LRIT2: variants seen among roughly 807,000 people sequenced by gnomAD.
LRIT2 encodes leucine rich repeat, Ig-like and transmembrane domains 2.
Under a neutral mutation model 22.4 loss-of-function variants are expected in LRIT2, and 23 were observed. The ratio of observed to expected loss-of-function variants is 1.03; its 90% confidence interval spans 0.74 to 1.45. The LOEUF (loss-of-function observed/expected upper bound fraction) is 1.45. Among genes scored for constraint, LRIT2 ranks in the 40% most tolerant of loss-of-function variants. LRIT2 has a pLI of 0.00. For synonymous variants in LRIT2, 291 were observed against 267.1 expected, an observed-to-expected ratio of 1.09 and a Z score of -0.87; for missense variants, 784 against 665.6, an observed-to-expected ratio of 1.18 and a Z score of -1.96.
rs765863801 is a variant in LRIT2, at chr10:84,222,489, C to T, written c.1084G>A (p.Gly362Ser). The T allele has an allele frequency of 6.2e-6, 10 of 1,613,962 alleles. No homozygotes were observed. Among genetic ancestry groups the T allele is most frequent in the Non-Finnish European group, 7.6e-6 (9 of 1,180,004 alleles). The part of the protein sequence containing the change: ...APDSLSIPSE[G>S]NAYIDLRVVK... ...ACCCGCAGGTCAATGTAGGCATTGC[C>T]CTCCGAGGGGATGGAAAGAGAATCA... The change falls in exon 3 of 3, where the codon GGC (glycine) becomes AGC (serine). Residue 362 changes from glycine (G) to serine (S), a missense_variant. Gly to Ser is a moderately conservative substitution (Grantham distance 56, BLOSUM62 0). Transcript: ENST00000372113.
At position 84,225,457 on chromosome 10, in the gene LRIT2, G is replaced by A. The variant is rs201290389; in HGVS notation, c.64C>T (p.Pro22Ser). 1.9e-6 allele frequency: 3 copies of A among 1,614,198 alleles called. No individual in the cohort carries two copies. Among genetic ancestry groups the A allele is most frequent in the South Asian group, 1.1e-5 (1 of 91,076 alleles). The change falls in exon 1 of 3, where the codon CCT (proline) becomes TCT (serine). Residue 22 changes from proline to serine, a missense_variant. By Grantham distance (74) the Pro-to-Ser change is moderately conservative. Transcript: ENST00000372113. ...LVFLDTHAAQPFCLPGCTCSE... is the reference protein window; with the variant it reads ...LVFLDTHAAQSFCLPGCTCSE... ...CAAGTGCATCCTGGCAGACAGAAAG[G>A]CTGAGCTGCGTGTGTATCCAGAAAG... is the stretch of plus-strand genomic sequence containing the variant.
In LRIT2 at chr10:84,222,194, C is replaced by T. The variant is rs1192566792; in HGVS notation, c.1379G>A (p.Arg460His). The change falls in exon 3 of 3, where the codon CGT becomes CAT. Residue 460 changes from arginine (R) to histidine (H), a missense_variant. Transcript: ENST00000372113. ...CACTGTGACATGCAGGAGGTGCTCACGTGCCTCTAGCCCACCAGCATCTCT... is the reference window on the plus strand; with the variant it reads ...CACTGTGACATGCAGGAGGTGCTCATGTGCCTCTAGCCCACCAGCATCTCT... ...TGRDAGGLEA[R>H]EHLLHVTVVL... is the part of the protein sequence containing the mutation. 1.9e-6 allele frequency: 3 copies of T among 1,614,194 alleles called. No individual in the cohort carries two copies. The highest frequency in any genetic ancestry group is 2.7e-5 in the African/African-American group (2 of 75,064).
chr10:84,222,134 C>T lies in LRIT2; in HGVS notation c.1439G>A (p.Gly480Asp), dbSNP rs781380404. The change falls in exon 3 of 3, where the codon GGC becomes GAC. Residue 480 changes from glycine to aspartate, a missense_variant. By Grantham distance (94) the Gly-to-Asp change is moderately conservative (BLOSUM62 -1). Transcript: ENST00000372113. ...LCVVLLAVPV[G>D]AYAWAAQGPC... ...GCCCTGGGCTGCCCAGGCATAGGCGCCCACAGGCACTGCAAGCAGCACCAC... is the reference window on the plus strand; with the variant it reads ...GCCCTGGGCTGCCCAGGCATAGGCGTCCACAGGCACTGCAAGCAGCACCAC... 6.8e-5 allele frequency: 109 copies of T among 1,609,434 alleles called. 1 individual carries two copies. Among genetic ancestry groups the T allele is most frequent in the Non-Finnish European group, 8.2e-5 (96 of 1,176,598 alleles).
At chr10:84,224,194 G>A in intron 2 of LRIT2, 139 bp downstream of exon 2, 1 of 747,928 alleles carries the variant, frequency 1.3e-6, no homozygotes, top group South Asian at 2.1e-5. Context: ...GTTCTAGTGA[G>A]CATAATTCAG....
chr10:84,223,922 A>G (rs1228094027), intron 2 of LRIT2, among the ~76,000 whole-genome samples: 1 of 152,276 alleles, frequency 6.6e-6, no homozygotes, highest in Non-Finnish European at 1.5e-5. Context: ...AGGCAAGTTA[A>G]GGAAATAACT....
rs1353454209 is a variant in LRIT2, at chr10:84,221,676, G to C, written c.*244C>G. 13 of 383,318 alleles carry C rather than the reference G, an allele frequency of 3.4e-5. No individual in the cohort carries two copies. The South Asian group carries it at 1.3e-3, about 40-fold the overall frequency. 23.7% of individuals were successfully genotyped at this position (383,318 alleles called of 1,614,324 possible). A position where few individuals can be genotyped will look rare whatever the true frequency, so the allele number is the denominator to read the frequency against. ...TTCTAATCACCATGTATAATAAAATGATTAATTTGATGGACAAATCTTCAT... is the reference window on the plus strand; with the variant it reads ...TTCTAATCACCATGTATAATAAAATCATTAATTTGATGGACAAATCTTCAT... On this transcript the variant is annotated 3_prime_UTR_variant, in exon 3 of 3. Coordinates refer to ENST00000372113, the MANE Select transcript of LRIT2 (RefSeq NM_001017924.5).
In LRIT2 at chr10:84,224,417, C is replaced by T; in HGVS notation, c.808G>A (p.Val270Met). ...ANITIRAGQN[V>M]TLRCLAQASP... ...GCCTGTGCCAAGCATCGCAGGGTCA[C>T]ATTCTGTCCTGCCCGGATGGTGATA... Residue 270 changes from valine to methionine, a missense_variant, in exon 2 of 3, where the codon GTG becomes ATG. Coordinates refer to ENST00000372113, the MANE Select transcript of LRIT2 (RefSeq NM_001017924.5). 2 of 1,614,260 alleles carry T rather than the reference C, an allele frequency of 1.2e-6. No individual in the cohort carries two copies.
Position 84,222,568 on chromosome 10 carries a change from C to T in LRIT2, c.1005G>A (p.Lys335=), listed in dbSNP as rs767476256. Residue 335 remains lysine, a synonymous_variant, in exon 3 of 3, where the codon AAG becomes AAA. Coordinates refer to ENST00000372113, the MANE Select transcript of LRIT2 (RefSeq NM_001017924.5). ...YTCMASNSIG[K]SNLVISLHVQ... is the part of the protein sequence containing the mutation. ...CATGGAGAGAGATTACAAGGTTGCT[C>T]TTGCCAATGGAGTTGGAGGCCATGC... The T allele has an allele frequency of 1.2e-6, 2 of 1,614,064 alleles. No homozygotes were observed. Among genetic ancestry groups the T allele is most frequent in the South Asian group, 1.1e-5 (1 of 91,082 alleles).
chr10:84,225,467 G>T lies in LRIT2; in HGVS notation c.54C>A (p.His18Gln), dbSNP rs375202213. The change falls in exon 1 of 3, where the codon CAC becomes CAA. Residue 18 changes from histidine (H) to glutamine (Q), a missense_variant. Physicochemically the swap from His to Gln is conservative, Grantham distance 24. Transcript: ENST00000372113. ...CTGGCAGACAGAAAGGCTGAGCTGC[G>T]TGTGTATCCAGAAAGACCAGAACTA... ...FLLVLVFLDT[H>Q]AAQPFCLPGC... The T allele has an allele frequency of 6.2e-7, 1 of 1,614,194 alleles. No individual in the cohort carries two copies. Among genetic ancestry groups the T allele is most frequent in the East Asian group, 2.2e-5 (1 of 44,886 alleles).
At position 84,224,504 on chromosome 10, in the gene LRIT2, G is replaced by C. The variant is rs149117326; in HGVS notation, c.721C>G (p.Leu241Val). The part of the protein sequence containing the change: ...CQGPLSKAGQ[L>V]FHETELSACM... ...GCACTAAGCTCAGTTTCATGAAAAA[G>C]CTGCCCTGCCTTGGACAGAGGGCCC... The change falls in exon 2 of 3, where the codon CTT becomes GTT. Residue 241 changes from leucine to valine, a missense_variant. Physicochemically the swap from Leu to Val is conservative, Grantham distance 32 (BLOSUM62 1). Transcript: ENST00000372113. 1.0e-4 allele frequency: 163 copies of C among 1,614,084 alleles called. No individual in the cohort carries two copies. The highest frequency in any genetic ancestry group is 1.3e-4 in the Non-Finnish European group (156 of 1,180,056).
rs994351079 is a variant in LRIT2 at position 84,225,294 on chromosome 10, T to C, written c.110+117A>G. On this transcript the variant is annotated intron_variant, in intron 1 of 2. Coordinates refer to ENST00000372113, the MANE Select transcript of LRIT2 (RefSeq NM_001017924.5). ...CAGCAAAGTTCAGTCCCAACTAGAATGAGTCTCATAGAGTTTTGCTGATTT... is the reference window on the plus strand; with the variant it reads ...CAGCAAAGTTCAGTCCCAACTAGAACGAGTCTCATAGAGTTTTGCTGATTT... The C allele has an allele frequency of 3.1e-6, 4 of 1,300,042 alleles. No homozygotes were observed. In the African/African-American group the frequency reaches 4.5e-5, roughly 15 times the overall value. 80.5% of individuals were successfully genotyped at this position (1,300,042 alleles called of 1,614,324 possible). A position where few individuals can be genotyped will look rare whatever the true frequency, so the allele number is the denominator to read the frequency against.
Position 84,222,127 on chromosome 10 carries a change from A to G in LRIT2, c.1446T>C (p.Tyr482=), listed in dbSNP as rs1357686803. The change falls in exon 3 of 3, where the codon TAT becomes TAC. Residue 482 remains tyrosine, a synonymous_variant. Transcript: ENST00000372113. ...TGCAGGGGCCCTGGGCTGCCCAGGC[A>G]TAGGCGCCCACAGGCACTGCAAGCA... ...VVLLAVPVGA[Y]AWAAQGPCSC... The G allele has an allele frequency of 3.1e-6, 5 of 1,609,376 alleles. No individual in the cohort carries two copies. The highest frequency in any genetic ancestry group is 3.4e-6 in the Non-Finnish European group (4 of 1,176,606).
Position 84,224,552 on chromosome 10 carries a change from C to G in LRIT2, c.673G>C (p.Val225Leu). The change falls in exon 2 of 3, where the codon GTG becomes CTG. Residue 225 changes from valine (V) to leucine (L), a missense_variant. Val to Leu is a conservative substitution (Grantham distance 32). Transcript: ENST00000372113. ...VKSITLPVIL[V>L]NSYLICQGPL... Reference sequence around the variant, plus strand: ...CCCTGACATATCAGGTAGGAATTCACCAGGATGACTGGGAGGGTAATGGAC... The same window carrying G: ...CCCTGACATATCAGGTAGGAATTCAGCAGGATGACTGGGAGGGTAATGGAC... 1.2e-6 allele frequency: 2 copies of G among 1,613,978 alleles called. No individual in the cohort carries two copies. Among genetic ancestry groups the G allele is most frequent in the Non-Finnish European group, 8.5e-7 (1 of 1,179,886 alleles).
chr10:84,224,211 C>T, intron 2 of LRIT2, 122 bp downstream of exon 2: 4 of 934,294 alleles, frequency 4.3e-6, no homozygotes, highest in Non-Finnish European at 6.3e-6. Context: ...TCAGGGCTAT[C>T]CCAATCTTAC....
Position 84,220,742 on chromosome 10 carries a change from G to A in LRIT2, c.*1178C>T, listed in dbSNP as rs549026455. The A allele has an allele frequency of 5.9e-5, 9 of 152,240 alleles. No individual in the cohort carries two copies. In the East Asian group the frequency reaches 1.7e-3, roughly 29 times the overall value. 9.4% of individuals were successfully genotyped at this position (152,240 alleles called of 1,614,324 possible). ...TGTGCATACTGTCCTTTTCCCCAGA[G>A]GTGTGAAGTCAAGGAAAGCTCTGTG... On this transcript the variant is annotated 3_prime_UTR_variant, in exon 3 of 3. Coordinates refer to ENST00000372113, the MANE Select transcript of LRIT2 (RefSeq NM_001017924.5).
chr10:84,224,841 G>C lies in LRIT2; in HGVS notation c.384C>G (p.Leu128=). Residue 128 remains leucine (L), a synonymous_variant, in exon 2 of 3, where the codon CTC becomes CTG. Coordinates refer to ENST00000372113, the MANE Select transcript of LRIT2 (RefSeq NM_001017924.5). Reference sequence around the variant, plus strand: ...TGCGTTTGAGATCCAAGACCCTCAGGAGAGGGGTGGCACGGAACGCTGTCC... The same window carrying C: ...TGCGTTTGAGATCCAAGACCCTCAGCAGAGGGGTGGCACGGAACGCTGTCC... ...VPWTAFRATP[L]LRVLDLKRNK... 1 of 1,614,144 alleles carries C rather than the reference G, an allele frequency of 6.2e-7. No homozygotes were observed.
rs1329321862 is a variant in LRIT2 at position 84,224,537 on chromosome 10, T to A, written c.688A>T (p.Ile230Leu). 1 of 1,614,094 alleles carries A rather than the reference T, an allele frequency of 6.2e-7. No homozygotes were observed. The highest frequency in any genetic ancestry group is 1.1e-5 in the South Asian group (1 of 91,076). Residue 230 changes from isoleucine (I) to leucine (L), a missense_variant, in exon 2 of 3, where the codon ATA becomes TTA. Coordinates refer to ENST00000372113, the MANE Select transcript of LRIT2 (RefSeq NM_001017924.5). ...LPVILVNSYLICQGPLSKAGQ... is the reference protein window; with the variant it reads ...LPVILVNSYLLCQGPLSKAGQ... ...GCCTTGGACAGAGGGCCCTGACATA[T>A]CAGGTAGGAATTCACCAGGATGACT...
rs988083183 is a variant in LRIT2 at position 84,224,215 on chromosome 10, A to T, written c.892+118T>A. 3 of 1,006,214 alleles carry T rather than the reference A, an allele frequency of 3.0e-6. No homozygotes were observed. In the African/African-American group the frequency reaches 4.9e-5, roughly 16 times the overall value. The allele number at this position is 1,006,214 out of a possible 1,614,324, so 62.3% of individuals were successfully genotyped here. A position where few individuals can be genotyped will look rare whatever the true frequency, so the allele number is the denominator to read the frequency against. On this transcript the variant is annotated intron_variant, in intron 2 of 2. Coordinates refer to ENST00000372113, the MANE Select transcript of LRIT2 (RefSeq NM_001017924.5). Reference sequence around the variant, plus strand: ...GTGAGCATAATTCAGGGCTATCCCAATCTTACTTGCACCCACCCTTCGTGA... The same window carrying T: ...GTGAGCATAATTCAGGGCTATCCCATTCTTACTTGCACCCACCCTTCGTGA...
rs2132854911 is a variant in LRIT2 at position 84,224,616 on chromosome 10, T to C, written c.609A>G (p.Val203=). 6.2e-7 allele frequency: 1 copy of C among 1,613,872 alleles called. No homozygotes were observed. The highest frequency in any genetic ancestry group is 2.2e-5 in the East Asian group (1 of 44,880). ...CAAGCCCCCTTAGGCGACAGTCACA[T>C]ACCCAGGGGTTGTCATGCAGGGCCA... ...LVVALHDNPW[V]CDCRLRGLVQ... is the part of the protein sequence containing the mutation. Residue 203 remains valine (V), a synonymous_variant, in exon 2 of 3, where the codon GTA becomes GTG. Coordinates refer to ENST00000372113, the MANE Select transcript of LRIT2 (RefSeq NM_001017924.5).
Sources: allele counts gnomAD v4.1 joint callset (sites outside exome capture counted in the v4.1 genomes callset), GRCh38; gene constraint gnomAD v4.1.1; transcripts MANE v1.5; gene names NCBI Gene and HGNC (gene_info 2026-07-23, HGNC 2026-07-21).